Variants in FMO4 observed in about 807,000 individuals in gnomAD.
FMO4 encodes flavin containing dimethylaniline monoxygenase 4, also known as dimethylaniline monooxygenase [N-oxide-forming] 4.
In FMO4, 38 loss-of-function variants were observed where a neutral mutation model predicts 43.3. That is an observed-to-expected ratio of 0.88 (90% CI 0.68 to 1.15). FMO4 has a LOEUF of 1.15. Among genes scored for constraint, FMO4 ranks in the 50% most tolerant of loss-of-function variants. FMO4 has a pLI of 0.00. For synonymous variants in FMO4, 224 were observed against 232.2 expected, an observed-to-expected ratio of 0.96 and a Z score of 0.32; for missense variants, 631 against 663.3, an observed-to-expected ratio of 0.95 and a Z score of 0.54.
intron 2 of FMO4, 133 bp from the exon 3 acceptor site, chr1:171,319,685 G>A: frequency 1.5e-6 from 1 of 678,142 alleles, no homozygotes; most frequent in Non-Finnish European, 2.5e-6. Context: ...GGATTTTTAA[G>A]CAGCATGTGA....
Position 171,319,863 on chromosome 1 carries a change from G to C in FMO4, c.38G>C (p.Ser13Thr), listed in dbSNP as rs759456397. Residue 13 changes from serine to threonine, a missense_variant, in exon 3 of 10, where the codon AGT (serine) becomes ACT (threonine). By Grantham distance (58) the Ser-to-Thr change is moderately conservative. Transcript: ENST00000367749. ...GTTGCAGTGATTGGAGCTGGTGTGAGTGGCCTCTCCTCCATCAAATGCTGT... is the reference window on the plus strand; with the variant it reads ...GTTGCAGTGATTGGAGCTGGTGTGACTGGCCTCTCCTCCATCAAATGCTGT... Reference protein sequence around the residue: ...KKVAVIGAGVSGLSSIKCCVD... With the variant: ...KKVAVIGAGVTGLSSIKCCVD... 1.9e-6 allele frequency: 3 copies of C among 1,613,894 alleles called. No individual in the cohort carries two copies. Among genetic ancestry groups the C allele is most frequent in the Non-Finnish European group, 2.5e-6 (3 of 1,179,796 alleles).
At chr1:171,315,919 C>G (rs1022223201) in intron 1 of FMO4, among the ~76,000 whole-genome samples, 4 of 152,136 alleles carry the variant, frequency 2.6e-5, no homozygotes, top group African/African-American at 9.7e-5. Context: ...TACCATAGGA[C>G]TTAGCACAAG....
At chr1:171,329,270 G>A in intron 5 of FMO4, among the ~76,000 whole-genome samples, 1 of 152,094 alleles carries the variant, frequency 6.6e-6, no homozygotes, top group East Asian at 1.9e-4. Context: ...TGGTGTCCCA[G>A]GTTCTGATTC....
At position 171,323,047 on chromosome 1, in the gene FMO4, T is replaced by A. The variant is rs1320023124; in HGVS notation, c.176T>A (p.Val59Glu). 1 of 1,613,444 alleles carries A rather than the reference T, an allele frequency of 6.2e-7. No individual in the cohort carries two copies. Among genetic ancestry groups the A allele is most frequent in the East Asian group, 2.2e-5 (1 of 44,848 alleles). Reference sequence around the variant, plus strand: ...ATGACCAGGGTCTATAAGTCATTAGTGACAAATGTCTGTAAGGAAATGTCA... The same window carrying A: ...ATGACCAGGGTCTATAAGTCATTAGAGACAAATGTCTGTAAGGAAATGTCA... ...DGMTRVYKSL[V>E]TNVCKEMSCY... Residue 59 changes from valine to glutamate, a missense_variant, in exon 4 of 10, where the codon GTG (valine) becomes GAG (glutamate). Transcript: ENST00000367749.
chr1:171,338,678 G>C (rs1302363185), intron 9 of FMO4, among the ~76,000 whole-genome samples: 2 of 152,126 alleles, frequency 1.3e-5, no homozygotes, highest in Admixed American at 1.3e-4. Flanking sequence ...AACACTATAT[G>C]TGACAGCAAC....
chr1:171,335,993 C>T (rs1195651327), intron 8 of FMO4, among the ~76,000 whole-genome samples: 1 of 152,152 alleles, frequency 6.6e-6, no homozygotes, highest in Non-Finnish European at 1.5e-5. Context: ...TCTTTTAGCT[C>T]ACACCATAGG....
At chr1:171,341,030 G>C (rs1177527547) in intron 9 of FMO4, among the ~76,000 whole-genome samples, 1 of 152,004 alleles carries the variant, frequency 6.6e-6, no homozygotes, top group Non-Finnish European at 1.5e-5. Context: ...GGCATTGTTA[G>C]TTTAGTGTGT....
chr1:171,339,728 A>G (rs565773404), intron 9 of FMO4, among the ~76,000 whole-genome samples: 2 of 152,330 alleles, frequency 1.3e-5, no homozygotes, highest in South Asian at 4.1e-4. Context: ...GAGTCAAAGA[A>G]GAAGGCTGTT....
intron 3 of FMO4, among the ~76,000 whole-genome samples, chr1:171,322,670 T>C (rs1322437542): frequency 6.6e-6 from 1 of 152,034 alleles, no homozygotes; most frequent in Non-Finnish European, 1.5e-5. Flanking sequence ...CTGGCCAACA[T>C]GGTGAAATCC....
chr1:171,335,997 C>A (rs1217209902), intron 8 of FMO4, among the ~76,000 whole-genome samples: 1 of 152,104 alleles, frequency 6.6e-6, no homozygotes, highest in East Asian at 1.9e-4. Context: ...TTAGCTCACA[C>A]CATAGGAGTA....
At position 171,332,867 on chromosome 1, in the gene FMO4, G is replaced by C; in HGVS notation, c.786G>C (p.Lys262Asn). Residue 262 changes from lysine (K) to asparagine (N), a missense_variant, in exon 7 of 10, where the codon AAG becomes AAC. Transcript: ENST00000367749. ...GGATTCAAGAAAGGAAGTTGAATAAGAGATTTAATCATGAGGATTATGGAT... is the reference window on the plus strand; with the variant it reads ...GGATTCAAGAAAGGAAGTTGAATAACAGATTTAATCATGAGGATTATGGAT... Reference protein sequence around the residue: ...LNWIQERKLNKRFNHEDYGLS... With the variant: ...LNWIQERKLNNRFNHEDYGLS... 1 of 1,580,058 alleles carries C rather than the reference G, an allele frequency of 6.3e-7. No individual in the cohort carries two copies. Among genetic ancestry groups the C allele is most frequent in the Non-Finnish European group, 8.7e-7 (1 of 1,149,158 alleles).
intron 8 of FMO4, among the ~76,000 whole-genome samples, chr1:171,335,420 G>C (rs1663080872): frequency 6.6e-6 from 1 of 152,186 alleles, no homozygotes; most frequent in Admixed American, 6.5e-5. Flanking sequence ...CGTATTAAGT[G>C]ACAGGGTTTC....
chr1:171,324,105 A>C (rs1461551531), intron 4 of FMO4, 33 bp from the exon 5 acceptor site: 1 of 1,581,306 alleles, frequency 6.3e-7, no homozygotes, highest in Non-Finnish European at 8.6e-7. Flanking sequence ...CAAGGGTGTT[A>C]GTGAGAAGTG....
At position 171,331,713 on chromosome 1, in the gene FMO4, C is replaced by G. The variant is rs1053562450; in HGVS notation, c.558C>G (p.Arg186=). 6.2e-7 allele frequency: 1 copy of G among 1,613,740 alleles called. No homozygotes were observed. Among genetic ancestry groups the G allele is most frequent in the Non-Finnish European group, 8.5e-7 (1 of 1,179,708 alleles). The change falls in exon 6 of 10, where the codon CGC becomes CGG. Residue 186 remains arginine (R), a synonymous_variant. Transcript: ENST00000367749. The part of the protein sequence containing the change: ...YKIPEGFQGK[R]VLVIGLGNTG... Reference sequence around the variant, plus strand: ...TCCCAGAAGGCTTTCAGGGCAAACGCGTCTTGGTGATTGGTCTTGGGAACA... The same window carrying G: ...TCCCAGAAGGCTTTCAGGGCAAACGGGTCTTGGTGATTGGTCTTGGGAACA...
intron 3 of FMO4, 142 bp from the exon 4 acceptor site, chr1:171,322,862 A>C (rs1207146193): frequency 1.6e-5 from 10 of 632,682 alleles, no homozygotes; most frequent in Non-Finnish European, 2.8e-5. Context: ...AAATCAATCA[A>C]TCAATAAAAG....
intron 2 of FMO4, among the ~76,000 whole-genome samples, chr1:171,318,768 T>C (rs554338327): frequency 6.6e-6 from 1 of 152,302 alleles, no homozygotes; most frequent in African/African-American, 2.4e-5. Context: ...CATTCCAACA[T>C]TTATCAGTCA....
intron 9 of FMO4, among the ~76,000 whole-genome samples, chr1:171,337,755 T>C (rs1387545144): frequency 1.3e-5 from 2 of 152,176 alleles, no homozygotes; most frequent in African/African-American, 2.4e-5. Flanking sequence ...TATTTGCTGG[T>C]ATCGCCTCTT....
At position 171,341,978 on chromosome 1, in the gene FMO4, T is replaced by C; in HGVS notation, c.*139T>C. The C allele has an allele frequency of 4.6e-6, 3 of 646,344 alleles. No homozygotes were observed. Among genetic ancestry groups the C allele is most frequent in the African/African-American group, 1.8e-5 (1 of 54,822 alleles). The allele number at this position is 646,344 out of a possible 1,614,324, so 40.0% of individuals were successfully genotyped here. On this transcript the variant is annotated 3_prime_UTR_variant, in exon 10 of 10. Coordinates refer to ENST00000367749, the MANE Select transcript of FMO4 (RefSeq NM_002022.3). Reference sequence around the variant, plus strand: ...ATCTCCTATCTGAATTATTGTATTATCTTCTTCTTTGTTTTCAGTACCCTC... The same window carrying C: ...ATCTCCTATCTGAATTATTGTATTACCTTCTTCTTTGTTTTCAGTACCCTC...
chr1:171,320,170 AAG>A (rs1220625722), intron 3 of FMO4, among the ~76,000 whole-genome samples: 1 of 152,162 alleles, frequency 6.6e-6, no homozygotes, highest in African/African-American at 2.4e-5. Flanking sequence ...GGACAGTTGG[AAG>A]AGAGAGGAAA....
Sources: gnomAD v4.1 joint callset for allele counts (sites outside exome capture counted in the v4.1 genomes callset) on GRCh38, gnomAD v4.1.1 for gene constraint, MANE v1.5 for transcripts, NCBI Gene and HGNC (gene_info 2026-07-23, HGNC 2026-07-21) for gene names.